FRMPD4: variants seen among roughly 807,000 people sequenced by gnomAD.
FRMPD4 encodes FERM and PDZ domain-containing protein 4.
FRMPD4 carries 22 observed loss-of-function variants against 94.1 expected under a neutral mutation model. The observed-to-expected ratio is 0.23, with a 90% confidence interval of 0.17 to 0.33. The LOEUF (loss-of-function observed/expected upper bound fraction) is 0.33, where lower values mean the gene tolerates loss of function less well. Among genes scored for constraint, FRMPD4 ranks in the 10% least tolerant of loss-of-function variants. The probability of loss-of-function intolerance (pLI) is 1.00; values close to 1 mark genes in which losing one functional copy is unlikely to be tolerated. For synonymous variants in FRMPD4, 631 were observed against 548.6 expected, an observed-to-expected ratio of 1.15 and a Z score of -2.10; for missense variants, 1,111 against 1,339.9, an observed-to-expected ratio of 0.83 and a Z score of 2.67.
chrX:12,482,995 G>A (rs2148198707), intron 1 of FRMPD4, among the ~76,000 whole-genome samples: 1 of 112,230 alleles, frequency 8.9e-6, no homozygotes, highest in Admixed American at 9.5e-5. Context: ...AGAATGAATG[G>A]AGAAGAAAGA....
Position 12,612,233 on chromosome X carries a change from AT to A in FRMPD4, c.319+2358del, listed in dbSNP as rs774598414. ...GGAGCTGAATGAAGATTCAAGTCTTATTTTTTATTTTTTGGTATCATCTCAC... is the reference window on the plus strand; with the variant it reads ...GGAGCTGAATGAAGATTCAAGTCTTATTTTTATTTTTTGGTATCATCTCAC... On this transcript the variant is annotated intron_variant, in intron 3 of 16. Transcript: ENST00000675598. Among the ~76,000 whole-genome samples the A allele has an allele frequency of 2.7e-5, 3 of 111,611 alleles. No homozygotes were observed. In the Admixed American group the frequency reaches 2.9e-4, roughly 11 times the overall value.
At chrX:12,258,160 A>G (rs1446697387) in intron 1 of FRMPD4, among the ~76,000 whole-genome samples, 3 of 110,872 alleles carry the variant, frequency 2.7e-5, no homozygotes, top group Non-Finnish European at 5.7e-5. Context: ...TTAAACTGTC[A>G]TTCTATCTTC....
Position 12,721,013 on chromosome X carries a change from C to A in FRMPD4, c.4444C>A (p.Leu1482Met). 1.3e-6 allele frequency: 1 copy of A among 762,162 alleles called. No homozygotes were observed. Among genetic ancestry groups the A allele is most frequent in the Non-Finnish European group, 1.6e-6 (1 of 643,069 alleles). The allele number at this position is 762,162 out of a possible 1,213,427, so 62.8% of individuals were successfully genotyped here. ...RSPVAHKDSK[L>M]YRTLPLRKLE... is the part of the protein sequence containing the mutation. ...CCCAGTGGCTCATAAAGACTCAAAG[C>A]TGTATAGGACATTACCCTTGCGGAA... Residue 1482 changes from leucine to methionine, a missense_variant, in exon 17 of 17, where the codon CTG becomes ATG. By Grantham distance (15) the Leu-to-Met change is conservative (BLOSUM62 2). Transcript: ENST00000675598.
intron 1 of FRMPD4, among the ~76,000 whole-genome samples, chrX:12,322,018 G>C (rs1442549218): frequency 2.7e-5 from 3 of 111,921 alleles, no homozygotes; most frequent in Non-Finnish European, 3.8e-5. Flanking sequence ...GTTTGTGTCA[G>C]AGCTGAGAAA....
chrX:11,943,203 T>G (rs185953379), intron 3 of FRMPD4, among the ~76,000 whole-genome samples: 139 of 111,357 alleles, frequency 1.2e-3, no homozygotes, highest in African/African-American at 4.3e-3. Context: ...GTCCCAGAAA[T>G]TTTAAAAATC....
intron 1 of FRMPD4, among the ~76,000 whole-genome samples, chrX:12,164,053 A>T (rs970058578): frequency 2.1e-4 from 22 of 104,729 alleles, no homozygotes; most frequent in African/African-American, 7.0e-4. Context: ...TTTTTTTTTT[A>T]TTATTATTAT....
At chrX:12,443,633 C>A (rs1327731319) in intron 1 of FRMPD4, among the ~76,000 whole-genome samples, 1 of 111,336 alleles carries the variant, frequency 9.0e-6, no homozygotes, top group African/African-American at 3.3e-5. Context: ...CATCTGAAGA[C>A]TAAAATAGCC....
In FRMPD4 at chrX:12,674,844, T is replaced by C. The variant is rs2059880710; in HGVS notation, c.423-19T>C. The C allele has an allele frequency of 4.6e-6, 5 of 1,078,752 alleles. No homozygotes were observed. In the African/African-American group the frequency reaches 9.0e-5, roughly 19 times the overall value. The allele number at this position is 1,078,752 out of a possible 1,213,427, so 88.9% of individuals were successfully genotyped here. A position where few individuals can be genotyped will look rare whatever the true frequency, so the allele number is the denominator to read the frequency against. ...GGCTCAGTGCATATCATAAATATGTTTGTTTTTCTCTCTTACAGAAGCTGC... is the reference window on the plus strand; with the variant it reads ...GGCTCAGTGCATATCATAAATATGTCTGTTTTTCTCTCTTACAGAAGCTGC... On this transcript the variant is annotated intron_variant, in intron 4 of 16. Coordinates refer to ENST00000675598, the MANE Select transcript of FRMPD4 (RefSeq NM_001368397.1).
rs55973946 is a variant in FRMPD4, at chrX:11,930,107, C to CAAAAAAAAAAAAAAAA, written c.95+52101_95+52116dup. On this transcript the variant is annotated intron_variant, in intron 3 of 18. Coordinates refer to the FRMPD4 transcript ENST00000640291. ...TGGGCAACAGAGTGAGACTCTGTCT[C>CAAAAAAAAAAAAAAAA]AAAAAAAAAAAAAAAAAAAAAAAAA... 6.8e-4 allele frequency among the ~76,000 whole-genome samples: 9 copies of CAAAAAAAAAAAAAAAA among 13,257 alleles called. 2 individuals carry two copies. The highest frequency in any genetic ancestry group is 1.0e-3 in the Non-Finnish European group (8 of 7,639). 11.5% of individuals were successfully genotyped at this position (13,257 alleles called of 115,157 possible).
chrX:11,901,975 A>G (rs2053940529), intron 3 of FRMPD4, among the ~76,000 whole-genome samples: 1 of 111,507 alleles, frequency 9.0e-6, no homozygotes. Context: ...GATTTGTTTG[A>G]GTTCCTTACA....
chrX:12,327,112 C>G (rs2055301452), intron 1 of FRMPD4, among the ~76,000 whole-genome samples: 1 of 111,860 alleles, frequency 8.9e-6, no homozygotes, highest in African/African-American at 3.2e-5. Context: ...TATCTGTTCT[C>G]TCTGTCCATT....
At chrX:11,950,122 G>A (rs6640839) in intron 3 of FRMPD4, among the ~76,000 whole-genome samples, 5,625 of 110,939 alleles carry the variant, frequency 0.051, 163 homozygotes, top group East Asian at 0.18. Context: ...CTGTTCTCAT[G>A]ATAGTGAGTG....
At chrX:12,151,693 A>G (rs1189018202) in intron 1 of FRMPD4, among the ~76,000 whole-genome samples, 6 of 112,103 alleles carry the variant, frequency 5.4e-5, no homozygotes, top group African/African-American at 9.7e-5. Flanking sequence ...TAAATACACT[A>G]TTCTATCCTT....
intron 1 of FRMPD4, among the ~76,000 whole-genome samples, chrX:11,845,840 T>A (rs1450283595): frequency 2.7e-5 from 3 of 109,122 alleles, no homozygotes; most frequent in African/African-American, 1.0e-4. Context: ...CCCTTCACGC[T>A]AAAAACTCTC....
chrX:12,232,358 G>GT (rs1432117091), intron 1 of FRMPD4, among the ~76,000 whole-genome samples: 1 of 111,439 alleles, frequency 9.0e-6, no homozygotes, highest in African/African-American at 3.3e-5. Flanking sequence ...AAGCGAACAC[G>GT]TCCTTCACAA....
chrX:12,596,669 T>C (rs764649347), intron 2 of FRMPD4, among the ~76,000 whole-genome samples: 4 of 110,931 alleles, frequency 3.6e-5, no homozygotes, highest in African/African-American at 6.6e-5. Context: ...GGAAAGACCA[T>C]TGACATGATC....
chrX:12,641,289 C>T (rs1218502679), intron 4 of FRMPD4, among the ~76,000 whole-genome samples: 1 of 110,788 alleles, frequency 9.0e-6, no homozygotes, highest in Admixed American at 9.6e-5. Context: ...CAGGGAAGCT[C>T]CAGATACTTT....
intron 3 of FRMPD4, among the ~76,000 whole-genome samples, chrX:12,112,384 A>C (rs938330602): frequency 1.8e-5 from 2 of 110,044 alleles, no homozygotes; most frequent in African/African-American, 6.6e-5. Flanking sequence ...ACTTGGACAC[A>C]GGGCGGGGAA....
intron 2 of FRMPD4, among the ~76,000 whole-genome samples, chrX:12,513,706 T>G (rs2148254415): frequency 8.9e-6 from 1 of 112,247 alleles, no homozygotes; most frequent in South Asian, 3.7e-4. Context: ...ATGAGCTCCT[T>G]TTTGGTTCCA....
Sources: gnomAD v4.1 joint callset for allele counts (sites outside exome capture counted in the v4.1 genomes callset) on GRCh38, gnomAD v4.1.1 for gene constraint, MANE v1.5 for transcripts, NCBI Gene and HGNC (gene_info 2026-07-23, HGNC 2026-07-21) for gene names.